The following PCDHGB1 variants were observed in gnomAD, a reference collection of about 807,000 sequenced individuals.
PCDHGB1 encodes protocadherin gamma subfamily B, 1.
PCDHGB1 carries 34 observed loss-of-function variants against 56.6 expected under a neutral mutation model. The ratio of observed to expected loss-of-function variants is 0.60; its 90% CI spans 0.46 to 0.80. The LOEUF is 0.80. PCDHGB1 is among the 30% of genes least tolerant of loss of function. PCDHGB1 has a pLI of 0.00. For synonymous variants in PCDHGB1, 561 were observed against 505.9 expected (o/e 1.11, Z -1.46); for missense variants, 1,278 against 1,204.6 (o/e 1.06, Z -0.90).
At chr5:141,367,902 T>C (rs1249968582) in intron 1 of PCDHGB1, 1 of 152,146 alleles carries the variant, frequency 6.6e-6, no homozygotes, top group Non-Finnish European at 1.5e-5. Context: ...TTTAAGGTTG[T>C]ATTTGAAAAA....
chr5:141,364,627 C>A, intron 1 of PCDHGB1: 2 of 1,614,112 alleles, frequency 1.2e-6, no homozygotes, highest in South Asian at 1.1e-5. Context: ...GCGCTCAGAG[C>A]CCACTGTGTG....
At chr5:141,405,156 T>C in intron 1 of PCDHGB1, 1 of 1,614,042 alleles carries the variant, frequency 6.2e-7, no homozygotes, top group Non-Finnish European at 8.5e-7. Flanking sequence ...TTGGCTGGTG[T>C]GCCCACCTCA....
Position 141,354,145 on chromosome 5 carries a change from T to C in PCDHGB1, c.2409+1476T>C, listed in dbSNP as rs546744648. ...TTAGAAATTGTAAAATAATACTGAA[T>C]GTGTCATGTGAAAAAATCACTAAAC... On this transcript the variant is annotated intron_variant, in intron 1 of 3. Transcript: ENST00000523390. Among the ~76,000 whole-genome samples the C allele has an allele frequency of 1.6e-4, 24 of 152,362 alleles. No homozygotes were observed. In the South Asian group the frequency reaches 4.3e-3, roughly 28 times the overall value.
chr5:141,376,310 G>A (rs1211342702), intron 1 of PCDHGB1: 5 of 1,613,822 alleles, frequency 3.1e-6, no homozygotes, highest in East Asian at 2.2e-5. Flanking sequence ...CTTTGTGGGC[G>A]TGGAAGGGGT....
At chr5:141,358,695 A>G (rs956417797) in intron 1 of PCDHGB1, among the ~76,000 whole-genome samples, 2 of 152,206 alleles carry the variant, frequency 1.3e-5, no homozygotes, top group African/African-American at 2.4e-5. Context: ...TGACATCACT[A>G]TTGAGACTTT....
intron 1 of PCDHGB1, among the ~76,000 whole-genome samples, chr5:141,433,761 T>G (rs2154555909): frequency 6.7e-6 from 1 of 148,664 alleles, no homozygotes; most frequent in Admixed American, 6.8e-5. Context: ...TGCTTTAACC[T>G]GGGAGGTGGA....
chr5:141,371,207 G>A, intron 1 of PCDHGB1: 1 of 1,613,764 alleles, frequency 6.2e-7, no homozygotes, highest in African/African-American at 1.3e-5. Context: ...ACATGGATGA[G>A]GGCATCAATG....
intron 1 of PCDHGB1, chr5:141,359,926 C>T: frequency 2.2e-6 from 1 of 454,778 alleles, no homozygotes; most frequent in Non-Finnish European, 3.7e-6. Flanking sequence ...CCTGAGAAAA[C>T]CTCTGAGCGT....
chr5:141,398,009 C>G (rs1589315775), intron 1 of PCDHGB1: 1 of 1,400,564 alleles, frequency 7.1e-7, no homozygotes, highest in Non-Finnish European at 9.5e-7. Context: ...GAAAAAGAAT[C>G]GTTTCCTAAA....
intron 1 of PCDHGB1, chr5:141,374,267 C>A: frequency 6.2e-7 from 1 of 1,614,008 alleles, no homozygotes; most frequent in Non-Finnish European, 8.5e-7. Flanking sequence ...GTTGGCGGAG[C>A]ACGGAGTCCG....
intron 1 of PCDHGB1, chr5:141,405,119 C>A: frequency 1.2e-6 from 2 of 1,614,024 alleles, no homozygotes; most frequent in South Asian, 1.1e-5. Context: ...GCACTCCTCG[C>A]ATCTGCTGCG....
rs773942024 is a variant in PCDHGB1, at chr5:141,433,234, C to G, written c.2410-61573C>G. 3.3e-6 allele frequency: 5 copies of G among 1,512,860 alleles called. No homozygotes were observed. In the South Asian group the frequency reaches 5.0e-5, roughly 15 times the overall value. The allele number at this position is 1,512,860 out of a possible 1,614,324, so 93.7% of individuals were successfully genotyped here. A position where few individuals can be genotyped will look rare whatever the true frequency, so the allele number is the denominator to read the frequency against. On this transcript the variant is annotated intron_variant, in intron 1 of 3. Coordinates refer to ENST00000523390, the MANE Select transcript of PCDHGB1 (RefSeq NM_018922.3). ...TTTTTTTTTTTTAATTGCTCTGTCT[C>G]CCAAGCTGGAATGCAGCGGTACGAT...
At chr5:141,355,272 G>A (rs1322283569) in intron 1 of PCDHGB1, 1 of 1,613,674 alleles carries the variant, frequency 6.2e-7, no homozygotes, top group Non-Finnish European at 8.5e-7. Flanking sequence ...GGGTTCTGGT[G>A]GAAATCAGGG....
At position 141,432,455 on chromosome 5, in the gene PCDHGB1, G is replaced by A; in HGVS notation, c.2410-62352G>A. The A allele has an allele frequency of 6.2e-7, 1 of 1,614,176 alleles. No individual in the cohort carries two copies. The highest frequency in any genetic ancestry group is 8.5e-7 in the Non-Finnish European group (1 of 1,180,042). On this transcript the variant is annotated intron_variant, in intron 1 of 3. Transcript: ENST00000523390. The surrounding 1 kb of genome is among the most constrained non-coding windows in gnomAD (Gnocchi z 6.0). ...CAATGCGCCCGAGATCCTGTACCCCGCCCTCCCCACGGACGGTTCCACTGG... is the reference window on the plus strand; with the variant it reads ...CAATGCGCCCGAGATCCTGTACCCCACCCTCCCCACGGACGGTTCCACTGG...
chr5:141,420,269 A>G, intron 1 of PCDHGB1: 1 of 1,544,558 alleles, frequency 6.5e-7, no homozygotes, highest in Admixed American at 2.0e-5. Flanking sequence ...GAAGATTCTT[A>G]AACAGGTAAG....
chr5:141,476,952 T>A lies in PCDHGB1; in HGVS notation c.2410-17855T>A, dbSNP rs1463851594. On this transcript the variant is annotated intron_variant, in intron 1 of 3. Transcript: ENST00000523390. This position sits in a 1 kb window ranked among gnomAD's most constrained non-coding sequence, Gnocchi z 7.6. ...CTGGATGAAGGCCCCAACGGTGAAA[T>A]TATTTACTCCTTCGGCAGCCACAAC... 1 of 1,614,052 alleles carries A rather than the reference T, an allele frequency of 6.2e-7. No individual in the cohort carries two copies. Among genetic ancestry groups the A allele is most frequent in the Non-Finnish European group, 8.5e-7 (1 of 1,180,038 alleles).
At position 141,350,207 on chromosome 5, in the gene PCDHGB1, A is replaced by G. The variant is rs1254490448; in HGVS notation, c.-54A>G. 2 of 1,474,560 alleles carry G rather than the reference A, an allele frequency of 1.4e-6. No homozygotes were observed. The highest frequency in any genetic ancestry group is 2.8e-5 in the African/African-American group (2 of 70,846). The allele number at this position is 1,474,560 out of a possible 1,614,324, so 91.3% of individuals were successfully genotyped here. A position where few individuals can be genotyped will look rare whatever the true frequency, so the allele number is the denominator to read the frequency against. On this transcript the variant is annotated 5_prime_UTR_variant, in exon 1 of 4. Transcript: ENST00000523390. Reference sequence around the variant, plus strand: ...AATCACAGAAGTCCAGGGTGCTGCCATTTCTTTTTGAAAAACATCCCAGAG... The same window carrying G: ...AATCACAGAAGTCCAGGGTGCTGCCGTTTCTTTTTGAAAAACATCCCAGAG...
chr5:141,374,718 T>A (rs1462422521), intron 1 of PCDHGB1: 6 of 1,609,996 alleles, frequency 3.7e-6, no homozygotes, highest in Non-Finnish European at 5.1e-6. Context: ...CGCCTGGTCC[T>A]TACTGCCATG....
chr5:141,390,522 G>A, intron 1 of PCDHGB1: 1 of 557,096 alleles, frequency 1.8e-6, no homozygotes, highest in Non-Finnish European at 3.1e-6. Flanking sequence ...AAGCAATGAG[G>A]GTGTGGTTTT....
Sources: allele counts gnomAD v4.1 joint callset (sites outside exome capture counted in the v4.1 genomes callset), GRCh38; gene constraint gnomAD v4.1.1; non-coding constraint Gnocchi (gnomAD v3.1); transcripts MANE v1.5; gene names NCBI Gene and HGNC (gene_info 2026-07-23, HGNC 2026-07-21).